ITGB3: variants seen among roughly 807,000 people sequenced by gnomAD.
ITGB3 encodes the protein integrin beta-3.
Under a neutral mutation model 85.8 loss-of-function variants are expected in ITGB3, and 48 were observed. That is an observed-to-expected ratio of 0.56 (90% CI 0.44 to 0.71). The LOEUF is 0.71. ITGB3 is among the 30% of genes least tolerant of loss of function. The pLI, the probability that ITGB3 is intolerant of heterozygous loss-of-function variation, is 0.00. For synonymous variants in ITGB3, 363 were observed against 395.6 expected (o/e 0.92, Z 0.98); for missense variants, 861 against 1,019.1 (o/e 0.84, Z 2.11).
chr17:47,302,926 G>A, intron 13 of ITGB3, 86 bp downstream of exon 13: 1 of 1,523,240 alleles, frequency 6.6e-7, no homozygotes, highest in Admixed American at 1.8e-5. Context: ...CATCGAAGCT[G>A]TTAAGCAAAA....
At chr17:47,273,017 C>T (rs771002669) in intron 1 of ITGB3, among the ~76,000 whole-genome samples, 76 of 152,252 alleles carry the variant, frequency 5.0e-4, no homozygotes, top group Non-Finnish European at 6.6e-4. Context: ...TCAAGTGATC[C>T]GCCTGCCTCG....
intron 6 of ITGB3, among the ~76,000 whole-genome samples, chr17:47,289,332 C>CT (rs367942494): frequency 3.3e-4 from 49 of 147,694 alleles, no homozygotes; most frequent in Non-Finnish European, 3.9e-4. Context: ...TGTCACCCCC[C>CT]TTTTTTTTTT....
At chr17:47,289,924 CT>C in intron 7 of ITGB3, 148 bp downstream of exon 7, 5 of 723,000 alleles carry the variant, frequency 6.9e-6, no homozygotes, top group Admixed American at 2.0e-5. Flanking sequence ...CACTCTGGGC[CT>C]TTTTCCTGCA....
At position 47,313,472 on chromosome 17, in the gene ITGB3, G is replaced by A. The variant is rs113252032; in HGVS notation, c.*3268G>A. On this transcript the variant is annotated 3_prime_UTR_variant, in exon 15 of 15. Transcript: ENST00000559488. Reference sequence around the variant, plus strand: ...CGCCATTCTCCTGCCTCAGCCTCCCGAGTAGCTGGGATTACAGGCACCTGC... The same window carrying A: ...CGCCATTCTCCTGCCTCAGCCTCCCAAGTAGCTGGGATTACAGGCACCTGC... 8.9e-3 allele frequency among the ~76,000 whole-genome samples: 1,313 copies of A among 148,178 alleles called. 17 individuals carry two copies. The highest frequency in any genetic ancestry group is 0.032 in the African/African-American group (1,266 of 40,150).
chr17:47,288,785 T>G (rs2065114091), intron 6 of ITGB3, among the ~76,000 whole-genome samples: 1 of 152,242 alleles, frequency 6.6e-6, no homozygotes, highest in Non-Finnish European at 1.5e-5. Context: ...CTATGTATGG[T>G]TCTATCCTTG....
chr17:47,286,395 T>G lies in ITGB3; in HGVS notation c.750T>G (p.Asp250Glu). Reference protein sequence around the residue: ...RNRDAPEGGFDAIMQATVCDE... With the variant: ...RNRDAPEGGFEAIMQATVCDE... ...GAGATGCCCCAGAGGGTGGCTTTGA[T>G]GCCATCATGCAGGCTACAGTCTGTG... Residue 250 changes from aspartate to glutamate, a missense_variant, in exon 5 of 15, where the codon GAT becomes GAG. Physicochemically the swap from Asp to Glu is conservative, Grantham distance 45. Coordinates refer to ENST00000559488, the MANE Select transcript of ITGB3 (RefSeq NM_000212.3). The G allele has an allele frequency of 6.2e-7, 1 of 1,614,188 alleles. No homozygotes were observed. Among genetic ancestry groups the G allele is most frequent in the Non-Finnish European group, 8.5e-7 (1 of 1,180,026 alleles).
chr17:47,282,071 C>G (rs1243889180), intron 2 of ITGB3, among the ~76,000 whole-genome samples: 2 of 152,228 alleles, frequency 1.3e-5, no homozygotes, highest in Admixed American at 1.3e-4. Context: ...GCCTCCGTCT[C>G]CCAAGTAGCT....
chr17:47,258,100 A>G (rs1477445318), intron 1 of ITGB3, among the ~76,000 whole-genome samples: 1 of 152,190 alleles, frequency 6.6e-6, no homozygotes, highest in African/African-American at 2.4e-5. Context: ...CAGAAGACAG[A>G]TAATTAACCG....
chr17:47,300,241 G>C (rs954368548), intron 11 of ITGB3, among the ~76,000 whole-genome samples: 3 of 152,200 alleles, frequency 2.0e-5, no homozygotes, highest in African/African-American at 4.8e-5. Context: ...GACCTGGGAG[G>C]CTTCTGGCTG....
chr17:47,287,253 A>G lies in ITGB3; in HGVS notation c.939+22A>G, dbSNP rs13306478. On this transcript the variant is annotated intron_variant, in intron 6 of 14. Transcript: ENST00000559488. ...CATGGTGAGATCTCTGGCACCACCT[A>G]TGGTTTCTATTCATGATTGTGAGGG... 85,659 of 1,612,514 alleles carry G rather than the reference A, an allele frequency of 0.053. 2,599 individuals carry two copies. Among genetic ancestry groups the G allele is most frequent in the Middle Eastern group, 0.13 (800 of 5,948 alleles).
intron 6 of ITGB3, among the ~76,000 whole-genome samples, chr17:47,287,698 C>G (rs1352176436): frequency 6.6e-6 from 1 of 152,070 alleles, no homozygotes; most frequent in African/African-American, 2.4e-5. Flanking sequence ...CACGTGAGTC[C>G]AGGAGTTTGA....
chr17:47,302,856 C>T lies in ITGB3; in HGVS notation c.2134+16C>T, dbSNP rs757142246. 1.3e-5 allele frequency: 21 copies of T among 1,613,896 alleles called. No individual in the cohort carries two copies. The highest frequency in any genetic ancestry group is 7.7e-5 in the South Asian group (7 of 91,078). On this transcript the variant is annotated intron_variant, in intron 13 of 14. Coordinates refer to ENST00000559488, the MANE Select transcript of ITGB3 (RefSeq NM_000212.3). ...GAAGAGCCAGGTGAGTGAACCCTGACGGCTCCCGGCCCTGCCCCAGGAGGG... is the reference window on the plus strand; with the variant it reads ...GAAGAGCCAGGTGAGTGAACCCTGATGGCTCCCGGCCCTGCCCCAGGAGGG...
chr17:47,313,251 A>G lies in ITGB3; in HGVS notation c.*3047A>G, dbSNP rs1008678883. ...GGCCTCCCACAGTGCTGGGATTACA[A>G]GTGTGAAGCACTGTGCCCGGCCAGT... On this transcript the variant is annotated 3_prime_UTR_variant, in exon 15 of 15. Transcript: ENST00000559488. 2.0e-5 allele frequency among the ~76,000 whole-genome samples: 3 copies of G among 150,790 alleles called. No individual in the cohort carries two copies. Among genetic ancestry groups the G allele is most frequent in the African/African-American group, 7.3e-5 (3 of 40,952 alleles).
chr17:47,265,726 T>C (rs912149186), intron 1 of ITGB3, among the ~76,000 whole-genome samples: 2 of 152,240 alleles, frequency 1.3e-5, no homozygotes, highest in South Asian at 2.1e-4. Flanking sequence ...CATTTTAATA[T>C]TGGTGGAGGC....
chr17:47,313,347 C>CTT lies in ITGB3; in HGVS notation c.*3159_*3160dup, dbSNP rs11381846. On this transcript the variant is annotated 3_prime_UTR_variant, in exon 15 of 15. Transcript: ENST00000559488. ...AGTATTCCTGGTTGAAATTTCTTTT[C>CTT]TTTTTTTTTTTTTTTTTGAGACAGA... Among the ~76,000 whole-genome samples, 1,942 of 128,276 alleles carry CTT rather than the reference C, an allele frequency of 0.015. 37 individuals carry two copies. The highest frequency in any genetic ancestry group is 0.021 in the African/African-American group (717 of 33,920). The allele number at this position is 128,276 out of a possible 152,430, so 84.2% of individuals were successfully genotyped here. A position where few individuals can be genotyped will look rare whatever the true frequency, so the allele number is the denominator to read the frequency against.
chr17:47,283,324 T>C, intron 2 of ITGB3, 30 bp from the exon 3 acceptor site: 2 of 1,612,366 alleles, frequency 1.2e-6, no homozygotes, highest in South Asian at 1.1e-5. Context: ...CTCTGATTGC[T>C]GGACTTCTCT....
chr17:47,277,748 C>T (rs2065069015), intron 2 of ITGB3, among the ~76,000 whole-genome samples: 1 of 152,110 alleles, frequency 6.6e-6, no homozygotes, highest in African/African-American at 2.4e-5. Context: ...GGAAGGTGGG[C>T]CAGCTTCCCA....
At chr17:47,310,068 A>T (rs1777578343) in intron 14 of ITGB3, 71 bp from the exon 15 acceptor site, 1 of 1,362,658 alleles carries the variant, frequency 7.3e-7, no homozygotes, top group Admixed American at 1.7e-5. Flanking sequence ...TTCTGAGATG[A>T]ATTTTAAACA....
Position 47,291,082 on chromosome 17 carries a change from A to G in ITGB3, c.1254A>G (p.Gly418=). ...AGTCTTGTATGGGACTCAAGATTGG[A>G]GACACGGTGAGGTGGGCTGGGCAGG... is the stretch of plus-strand genomic sequence containing the variant. ...GLKSCMGLKI[G]DTVSFSIEAK... The change falls in exon 9 of 15, where the codon GGA becomes GGG. Residue 418 remains glycine, a synonymous_variant. Coordinates refer to ENST00000559488, the MANE Select transcript of ITGB3 (RefSeq NM_000212.3). The G allele has an allele frequency of 1.9e-6, 3 of 1,614,112 alleles. No homozygotes were observed. The highest frequency in any genetic ancestry group is 1.7e-6 in the Non-Finnish European group (2 of 1,180,034).
Sources: allele counts gnomAD v4.1 joint callset (sites outside exome capture counted in the v4.1 genomes callset), GRCh38; gene constraint gnomAD v4.1.1; transcripts MANE v1.5; gene names NCBI Gene and HGNC (gene_info 2026-07-23, HGNC 2026-07-21).